Variants in ARK2C observed in about 807,000 individuals in gnomAD.
ARK2C encodes arkadia (RNF111) C-terminal like ring finger ubiquitin ligase 2C.
the ARK2C span, among the ~76,000 whole-genome samples, chr18:46,407,044 G>T: frequency 6.6e-6 from 1 of 152,124 alleles, no homozygotes; most frequent in East Asian, 1.9e-4. Context: ...TCTTGAACTC[G>T]ACTTTTGCCT....
chr18:46,460,291 G>A, the ARK2C span: 3 of 152,398 alleles, frequency 2.0e-5, no homozygotes, highest in Non-Finnish European at 4.4e-5. Flanking sequence ...CTGTAGCAAC[G>A]TCTGTCAGGC....
chr18:46,398,274 G>A, the ARK2C span, among the ~76,000 whole-genome samples: 10 of 151,590 alleles, frequency 6.6e-5, no homozygotes, highest in African/African-American at 2.4e-4. Context: ...TGTGCATGTG[G>A]TGTGTGTGTG....
chr18:46,433,579 G>A, the ARK2C span: 2 of 1,331,942 alleles, frequency 1.5e-6, no homozygotes, highest in African/African-American at 1.5e-5. Context: ...GCGTGGGCAG[G>A]GCCAGGACGA....
the ARK2C span, among the ~76,000 whole-genome samples, chr18:46,365,595 C>A: frequency 6.6e-6 from 1 of 152,226 alleles, no homozygotes; most frequent in African/African-American, 2.4e-5. Flanking sequence ...CTTCTGCCTC[C>A]TGGTTTCAGG....
chr18:46,418,341 G>C, the ARK2C span, among the ~76,000 whole-genome samples: 14,157 of 151,972 alleles, frequency 0.093, 1,211 homozygotes, highest in East Asian at 0.35. Flanking sequence ...TGAGTGACAG[G>C]GCAAGACACT....
At chr18:46,355,571 T>G in the ARK2C span, among the ~76,000 whole-genome samples, 1 of 152,248 alleles carries the variant, frequency 6.6e-6, no homozygotes, top group African/African-American at 2.4e-5. Context: ...AGCTCCCATC[T>G]GTGCCTATCT....
At chr18:46,456,588 C>T in the ARK2C span, 4 of 1,613,978 alleles carry the variant, frequency 2.5e-6, no homozygotes, top group South Asian at 3.3e-5. Flanking sequence ...GCAAGAAATG[C>T]CCCATCTGCC....
chr18:46,433,637 T>C, the ARK2C span: 314 of 779,482 alleles, frequency 4.0e-4, 6 homozygotes, highest in East Asian at 8.1e-3. Context: ...TACAGGCTCC[T>C]AGACTCCTGG....
the ARK2C span, among the ~76,000 whole-genome samples, chr18:46,378,230 A>G: frequency 6.6e-6 from 1 of 152,210 alleles, no homozygotes; most frequent in South Asian, 2.1e-4. Context: ...AAAGCAAGAC[A>G]AGGACCCTGC....
the ARK2C span, chr18:46,456,783 C>A: frequency 6.0e-6 from 4 of 669,654 alleles, no homozygotes; most frequent in Non-Finnish European, 1.1e-5. Context: ...TTGGTGGTAT[C>A]GGTGTCGAGG....
chr18:46,402,007 TTGGAC>T, the ARK2C span, among the ~76,000 whole-genome samples: 11 of 152,248 alleles, frequency 7.2e-5, no homozygotes, highest in Non-Finnish European at 1.2e-4. Context: ...TCACAAGTGG[TTGGAC>T]TGAACTTTCC....
the ARK2C span, among the ~76,000 whole-genome samples, chr18:46,339,615 C>T: frequency 1.3e-5 from 2 of 152,240 alleles, no homozygotes; most frequent in Non-Finnish European, 2.9e-5. Context: ...GAAACCCCAT[C>T]AGTTCAGTGA....
the ARK2C span, among the ~76,000 whole-genome samples, chr18:46,435,065 C>G: frequency 1.3e-5 from 2 of 152,090 alleles, no homozygotes; most frequent in Non-Finnish European, 2.9e-5. Flanking sequence ...GCGGGCAGCC[C>G]GGAGACAGCC....
the ARK2C span, among the ~76,000 whole-genome samples, chr18:46,412,883 G>C: frequency 2.0e-5 from 3 of 152,050 alleles, no homozygotes; most frequent in African/African-American, 7.2e-5. Flanking sequence ...GGAGCCCTTT[G>C]GTCAAGGTCA....
At chr18:46,426,253 T>G in the ARK2C span, among the ~76,000 whole-genome samples, 1 of 152,184 alleles carries the variant, frequency 6.6e-6, no homozygotes. Flanking sequence ...TGCTTCAAAT[T>G]TCTACTTTGT....
the ARK2C span, among the ~76,000 whole-genome samples, chr18:46,448,267 C>G: frequency 6.6e-6 from 1 of 151,428 alleles, no homozygotes; most frequent in Non-Finnish European, 1.5e-5. Flanking sequence ...TCCCTTGTGC[C>G]CTGGCCTTCT....
At chr18:46,353,684 G>T in the ARK2C span, among the ~76,000 whole-genome samples, 1 of 152,156 alleles carries the variant, frequency 6.6e-6, no homozygotes, top group Non-Finnish European at 1.5e-5. Context: ...TAGGCAGGGG[G>T]CCAGGACTCT....
the ARK2C span, chr18:46,334,412 G>GCGGC: frequency 7.5e-7 from 1 of 1,341,704 alleles, no homozygotes; most frequent in Non-Finnish European, 1.0e-6. The surrounding 1 kb of genome is among the most constrained non-coding windows in gnomAD (Gnocchi z 4.4). Context: ...GGCGCCGCGG[G>GCGGC]CGGCCGGGGG....
At chr18:46,439,739 C>T in the ARK2C span, among the ~76,000 whole-genome samples, 1 of 152,042 alleles carries the variant, frequency 6.6e-6, no homozygotes, top group Non-Finnish European at 1.5e-5. Context: ...AAATATCAAA[C>T]AATAAAAAAA....
Sources: allele counts gnomAD v4.1 joint callset (sites outside exome capture counted in the v4.1 genomes callset), GRCh38; gene constraint gnomAD v4.1.1; non-coding constraint Gnocchi (gnomAD v3.1); transcripts MANE v1.5; gene names NCBI Gene and HGNC (gene_info 2026-07-23, HGNC 2026-07-21).